The following B3GLCT variants were observed in gnomAD, a reference collection of about 807,000 sequenced individuals.
The protein encoded by B3GLCT is beta 3-glucosyltransferase.
B3GLCT carries 65 observed loss-of-function variants against 63.4 expected under a neutral mutation model. The ratio of observed to expected loss-of-function variants is 1.03; its 90% CI spans 0.84 to 1.26. B3GLCT has a LOEUF of 1.26. Among genes scored for constraint, B3GLCT ranks in the 50% most tolerant of loss-of-function variants. B3GLCT has a pLI of 0.00. For missense variants in B3GLCT, 577 were observed against 604.8 expected, an observed-to-expected ratio of 0.95 and a Z score of 0.48; for synonymous variants, 233 against 219.2, an observed-to-expected ratio of 1.06 and a Z score of -0.55.
rs1298278213 is a variant in B3GLCT, at chr13:31,256,555, A to G, written c.460-4391A>G. ...CATCAGTGATAGACTGGATAAAGAA[A>G]ATGTGGCACATATACACCATGGAAT... On this transcript the variant is annotated intron_variant, in intron 6 of 14. Coordinates refer to ENST00000343307, the MANE Select transcript of B3GLCT (RefSeq NM_194318.4). 3.3e-5 allele frequency among the ~76,000 whole-genome samples: 5 copies of G among 152,224 alleles called. No homozygotes were observed. The East Asian group carries it at 7.7e-4, about 23-fold the overall frequency.
intron 4 of B3GLCT, among the ~76,000 whole-genome samples, chr13:31,239,209 G>A (rs570647148): frequency 1.3e-5 from 2 of 152,306 alleles, no homozygotes; most frequent in South Asian, 4.1e-4. Flanking sequence ...GGGTCGGTGA[G>A]AGTGGGGATG....
intron 4 of B3GLCT, among the ~76,000 whole-genome samples, chr13:31,232,805 G>A (rs975408309): frequency 3.3e-5 from 5 of 152,120 alleles, no homozygotes; most frequent in Admixed American, 6.5e-5. Flanking sequence ...TGTATTATTT[G>A]TTACCTGTCT....
At chr13:31,263,167 T>C (rs574673850) in intron 7 of B3GLCT, among the ~76,000 whole-genome samples, 12 of 152,346 alleles carry the variant, frequency 7.9e-5, no homozygotes, top group African/African-American at 2.9e-4. Context: ...AGGAGGCCTC[T>C]CATCCTGAAG....
At chr13:31,208,252 C>G (rs1224051445) in intron 1 of B3GLCT, among the ~76,000 whole-genome samples, 1 of 152,174 alleles carries the variant, frequency 6.6e-6, no homozygotes, top group Non-Finnish European at 1.5e-5. Context: ...CATTAAACAG[C>G]TGCCTTCTCT....
chr13:31,293,670 C>G (rs1033508082), intron 12 of B3GLCT, among the ~76,000 whole-genome samples: 1 of 152,144 alleles, frequency 6.6e-6, no homozygotes, highest in Non-Finnish European at 1.5e-5. Flanking sequence ...AAATCTTCCT[C>G]CATTCCTTTA....
At chr13:31,213,899 C>A (rs571608013) in intron 1 of B3GLCT, among the ~76,000 whole-genome samples, 1 of 151,920 alleles carries the variant, frequency 6.6e-6, no homozygotes, top group African/African-American at 2.4e-5. Flanking sequence ...TTTCACCCTG[C>A]CTTTTGAAAT....
intron 12 of B3GLCT, among the ~76,000 whole-genome samples, chr13:31,287,142 G>A (rs536758592): frequency 2.2e-4 from 34 of 152,250 alleles, no homozygotes; most frequent in Middle Eastern, 3.4e-3. Flanking sequence ...CTCTGTGGGC[G>A]GAAAAGATGG....
At chr13:31,247,536 G>A (rs2137806122) in intron 5 of B3GLCT, among the ~76,000 whole-genome samples, 1 of 152,286 alleles carries the variant, frequency 6.6e-6, no homozygotes, top group Non-Finnish European at 1.5e-5. Context: ...GCCTCCCAAA[G>A]TGCTGGGATA....
Position 31,247,897 on chromosome 13 carries a change from C to T in B3GLCT, c.390C>T (p.Phe130=). The T allele has an allele frequency of 6.2e-7, 1 of 1,611,220 alleles. No homozygotes were observed. The highest frequency in any genetic ancestry group is 8.5e-7 in the Non-Finnish European group (1 of 1,177,684). The change falls in exon 6 of 15, where the codon TTC becomes TTT. Residue 130 remains phenylalanine, a synonymous_variant. Transcript: ENST00000343307. ...TYSRNSSWIF[F]CEEETRIQIP... ...GCAGAAATTCATCTTGGATTTTCTT[C>T]TGTGAAGAAGAGACAAGAATACAGA...
intron 4 of B3GLCT, among the ~76,000 whole-genome samples, chr13:31,235,865 G>C (rs914071218): frequency 6.6e-6 from 1 of 152,046 alleles, no homozygotes; most frequent in African/African-American, 2.4e-5. Flanking sequence ...TCTACTTGCT[G>C]TTTCTGTGAA....
At chr13:31,289,075 A>G (rs1191917818) in intron 12 of B3GLCT, among the ~76,000 whole-genome samples, 1 of 152,124 alleles carries the variant, frequency 6.6e-6, no homozygotes, top group Non-Finnish European at 1.5e-5. Flanking sequence ...AGATTCTGGA[A>G]CTGAAAATTC....
intron 8 of B3GLCT, among the ~76,000 whole-genome samples, chr13:31,269,806 G>A (rs1351787539): frequency 6.6e-6 from 1 of 152,132 alleles, no homozygotes; most frequent in African/African-American, 2.4e-5. Context: ...GCCATGTGAG[G>A]ATACAGCTAG....
At position 31,328,690 on chromosome 13, in the gene B3GLCT, C is replaced by T. The variant is rs959797385; in HGVS notation, c.1330-811C>T. On this transcript the variant is annotated intron_variant, in intron 14 of 14. Transcript: ENST00000343307. ...CCTGGGCAGCAGAGTGAAACTCCAT[C>T]TCAAAAAAAAAAAAAAAAAAAAAAA... 1.9e-3 allele frequency among the ~76,000 whole-genome samples: 71 copies of T among 36,454 alleles called. 1 individual carries two copies. Among genetic ancestry groups the T allele is most frequent in the African/African-American group, 7.7e-3 (65 of 8,418 alleles). 23.9% of individuals were successfully genotyped at this position (36,454 alleles called of 152,430 possible).
intron 12 of B3GLCT, among the ~76,000 whole-genome samples, chr13:31,317,336 G>T (rs1256099426): frequency 1.3e-5 from 2 of 152,184 alleles, no homozygotes; most frequent in African/African-American, 4.8e-5. Context: ...CAAGCCCCTT[G>T]TGTCTCAGTT....
chr13:31,268,996 A>G (rs1872457707), intron 7 of B3GLCT, among the ~76,000 whole-genome samples: 1 of 152,216 alleles, frequency 6.6e-6, no homozygotes, highest in African/African-American at 2.4e-5. Flanking sequence ...AGATGTTGGA[A>G]TAATGAATGC....
In B3GLCT at chr13:31,330,943, T is replaced by A. The variant is rs1875891510; in HGVS notation, c.*1275T>A. On this transcript the variant is annotated 3_prime_UTR_variant, in exon 15 of 15. Coordinates refer to ENST00000343307, the MANE Select transcript of B3GLCT (RefSeq NM_194318.4). ...CCAAAAGTACCTGTGTGTGTTAATA[T>A]GTTTTTCTTGTAGCATAGATTGACT... The A allele has an allele frequency of 6.6e-6, 1 of 152,230 alleles. No homozygotes were observed. The highest frequency in any genetic ancestry group is 2.1e-4 in the South Asian group (1 of 4,828). The allele number at this position is 152,230 out of a possible 1,614,324, so 9.4% of individuals were successfully genotyped here.
At chr13:31,222,831 CG>C in intron 2 of B3GLCT, 120 bp from the exon 3 acceptor site, 3 of 729,058 alleles carry the variant, frequency 4.1e-6, no homozygotes, top group East Asian at 2.6e-5. Context: ...TTCCAAGCTC[CG>C]TTTTTCAAAT....
At chr13:31,251,264 T>C (rs9572561) in intron 6 of B3GLCT, among the ~76,000 whole-genome samples, 56,848 of 151,992 alleles carry the variant, frequency 0.37, 11,370 homozygotes, top group East Asian at 0.72. Flanking sequence ...GGGGAGAAAC[T>C]AGCACAAAAC....
chr13:31,250,784 A>G (rs1257970838), intron 6 of B3GLCT, among the ~76,000 whole-genome samples: 1 of 152,346 alleles, frequency 6.6e-6, no homozygotes, highest in Admixed American at 6.5e-5. Flanking sequence ...TGTGGGCGCC[A>G]CTTCAGCAGA....
Sources: allele counts gnomAD v4.1 joint callset (sites outside exome capture counted in the v4.1 genomes callset), GRCh38; gene constraint gnomAD v4.1.1; transcripts MANE v1.5; gene names NCBI Gene and HGNC (gene_info 2026-07-23, HGNC 2026-07-21).